Variants in KCNH1 observed in about 807,000 individuals in gnomAD.
KCNH1 encodes the protein potassium voltage-gated channel subfamily H member 1, also known as voltage-gated delayed rectifier potassium channel KCNH1.
In KCNH1, 27 loss-of-function variants were observed where a neutral mutation model predicts 69.2. That is an observed-to-expected ratio of 0.39 (90% CI 0.29 to 0.54). The LOEUF is 0.54. KCNH1 is among the 20% of genes least tolerant of loss of function. KCNH1 has a pLI of 0.68. For synonymous variants in KCNH1, 456 were observed against 487.7 expected (o/e 0.93, Z 0.86); for missense variants, 798 against 1,261.6 (o/e 0.63, Z 5.57).
intron 6 of KCNH1, among the ~76,000 whole-genome samples, chr1:210,948,862 C>T (rs967597786): frequency 6.6e-6 from 1 of 151,324 alleles, no homozygotes; most frequent in Non-Finnish European, 1.5e-5. Context: ...AAAAAAATAT[C>T]CAGATGAAGA....
chr1:210,919,935 A>C lies in KCNH1; in HGVS notation c.1167T>G (p.Ala389=). The C allele has an allele frequency of 7.4e-6, 12 of 1,614,156 alleles. No individual in the cohort carries two copies. Among genetic ancestry groups the C allele is most frequent in the Non-Finnish European group, 1.0e-5 (12 of 1,180,004 alleles). ...LVLLVCVFGL[A]AHWMACIWYS... ...ACCAGATGCAGGCCATCCAGTGTGCAGCCAGCCCAAACACACACACCAGCA... is the reference window on the plus strand; with the variant it reads ...ACCAGATGCAGGCCATCCAGTGTGCCGCCAGCCCAAACACACACACCAGCA... Residue 389 remains alanine (A), a synonymous_variant, in exon 7 of 11, where the codon GCT becomes GCG. Transcript: ENST00000271751. The surrounding 1 kb of genome is among the most constrained non-coding windows in gnomAD (Gnocchi z 4.2).
intron 5 of KCNH1, among the ~76,000 whole-genome samples, chr1:211,027,407 C>G (rs955815986): frequency 2.3e-4 from 35 of 151,932 alleles, no homozygotes; most frequent in Admixed American, 2.3e-3. Context: ...GAGTTCAAGG[C>G]CAGCCTGAGC....
chr1:210,981,516 G>A (rs1184689649), intron 6 of KCNH1, among the ~76,000 whole-genome samples: 1 of 152,028 alleles, frequency 6.6e-6, no homozygotes, highest in East Asian at 1.9e-4. Context: ...AATGAATTCG[G>A]TCATTAATAT....
In KCNH1 at chr1:210,775,594, C is replaced by T. The variant is rs1683844570; in HGVS notation, c.1916-50G>A. The T allele has an allele frequency of 3.4e-6, 5 of 1,460,318 alleles. No homozygotes were observed. In the South Asian group the frequency reaches 6.0e-5, roughly 17 times the overall value. The allele number at this position is 1,460,318 out of a possible 1,614,324, so 90.5% of individuals were successfully genotyped here. A position where few individuals can be genotyped will look rare whatever the true frequency, so the allele number is the denominator to read the frequency against. ...GAAAGTGTTGGCCAGGAGAGGTCTG[C>T]CCATCCAGCTGGCTTCCCTCTATTC... On this transcript the variant is annotated intron_variant, in intron 9 of 10. Coordinates refer to ENST00000271751, the MANE Select transcript of KCNH1 (RefSeq NM_172362.3).
chr1:210,949,662 C>A (rs1688025517), intron 6 of KCNH1, among the ~76,000 whole-genome samples: 1 of 152,184 alleles, frequency 6.6e-6, no homozygotes, highest in Non-Finnish European at 1.5e-5. Flanking sequence ...ATCGGTTGCA[C>A]CAGCCAATGC....
intron 7 of KCNH1, among the ~76,000 whole-genome samples, chr1:210,878,587 C>T (rs1281683910): frequency 6.6e-6 from 1 of 151,838 alleles, no homozygotes; most frequent in African/African-American, 2.4e-5. Flanking sequence ...ATACTTCAAA[C>T]TAAATTTAAA....
intron 7 of KCNH1, among the ~76,000 whole-genome samples, chr1:210,866,605 A>C (rs1443704899): frequency 6.6e-6 from 1 of 152,128 alleles, no homozygotes; most frequent in Non-Finnish European, 1.5e-5. Flanking sequence ...TCAAAACGAC[A>C]AGTGTTGGTG....
At chr1:211,080,313 A>T (rs1309486342) in intron 5 of KCNH1, among the ~76,000 whole-genome samples, 1 of 152,210 alleles carries the variant, frequency 6.6e-6, no homozygotes, top group Non-Finnish European at 1.5e-5. Context: ...TCGATGAAAT[A>T]AAAGAGGACA....
In KCNH1 at chr1:211,003,876, G is replaced by A. The variant is rs575722784; in HGVS notation, c.1032+14907C>T. On this transcript the variant is annotated intron_variant, in intron 6 of 10. Coordinates refer to ENST00000271751, the MANE Select transcript of KCNH1 (RefSeq NM_172362.3). ...TGGGAGGCCGAGGCAGGCGGATCAC[G>A]AGGTCAGGAGATGGAGACCATCCTG... Among the ~76,000 whole-genome samples the A allele has an allele frequency of 7.9e-5, 12 of 152,202 alleles. No homozygotes were observed. The South Asian group carries it at 2.1e-3, about 26-fold the overall frequency.
chr1:210,924,619 A>T (rs1316916279), intron 6 of KCNH1, among the ~76,000 whole-genome samples: 1 of 152,208 alleles, frequency 6.6e-6, no homozygotes, highest in African/African-American at 2.4e-5. Flanking sequence ...ATTTTAGTAC[A>T]CTAAAAACAT....
At chr1:210,937,263 A>C (rs899769192) in intron 6 of KCNH1, among the ~76,000 whole-genome samples, 2 of 152,198 alleles carry the variant, frequency 1.3e-5, no homozygotes, top group African/African-American at 4.8e-5. Flanking sequence ...TTGTACCTTC[A>C]GCACTTGACA....
At chr1:210,700,897 T>C (rs1681756558) in intron 10 of KCNH1, among the ~76,000 whole-genome samples, 1 of 152,126 alleles carries the variant, frequency 6.6e-6, no homozygotes, top group Admixed American at 6.5e-5. Context: ...AATTTTTCTC[T>C]TTTCATTTAT....
chr1:210,946,219 A>C (rs1487461434), intron 6 of KCNH1, among the ~76,000 whole-genome samples: 1 of 152,156 alleles, frequency 6.6e-6, no homozygotes, highest in African/African-American at 2.4e-5. Context: ...GAATATTCCT[A>C]GGGGTCTGAG....
intron 7 of KCNH1, among the ~76,000 whole-genome samples, chr1:210,877,134 G>C (rs1686393533): frequency 6.6e-6 from 1 of 150,586 alleles, no homozygotes; most frequent in Non-Finnish European, 1.5e-5. Context: ...CAAACAATTT[G>C]TTTGCAAAAA....
In KCNH1 at chr1:210,997,223, G is replaced by T. The variant is rs767949290; in HGVS notation, c.1032+21560C>A. ...ACGATCAAACTACTCCGAGCTACAG[G>T]AGGAAATTCAAACCAATGGCAAACA... is the stretch of plus-strand genomic sequence containing the variant. On this transcript the variant is annotated intron_variant, in intron 6 of 10. Transcript: ENST00000271751. Among the ~76,000 whole-genome samples, 22 of 152,268 alleles carry T rather than the reference G, an allele frequency of 1.4e-4. 1 individual carries two copies. In the East Asian group the frequency reaches 4.1e-3, roughly 28 times the overall value.
At chr1:210,950,112 C>CA (rs1188621300) in intron 6 of KCNH1, among the ~76,000 whole-genome samples, 2 of 152,250 alleles carry the variant, frequency 1.3e-5, no homozygotes, top group African/African-American at 4.8e-5. Context: ...CACCAGGTAA[C>CA]AGCCTCTTCT....
intron 6 of KCNH1, among the ~76,000 whole-genome samples, chr1:210,984,788 T>G (rs1467398462): frequency 2.0e-5 from 3 of 152,206 alleles, no homozygotes; most frequent in Non-Finnish European, 4.4e-5. Context: ...TGAGGATGAT[T>G]CTGGTCTCAT....
intron 10 of KCNH1, among the ~76,000 whole-genome samples, chr1:210,715,355 T>C (rs1429023709): frequency 6.6e-6 from 1 of 152,094 alleles, no homozygotes; most frequent in African/African-American, 2.4e-5. Flanking sequence ...ATAGTCAGAC[T>C]TAAATAACAC....
At chr1:211,084,468 T>C (rs1690916189) in intron 4 of KCNH1, among the ~76,000 whole-genome samples, 1 of 152,134 alleles carries the variant, frequency 6.6e-6, no homozygotes, top group African/African-American at 2.4e-5. Context: ...AACCCCTTGG[T>C]TCATCACCTG....
Sources: gnomAD v4.1 joint callset for allele counts (sites outside exome capture counted in the v4.1 genomes callset) on GRCh38, gnomAD v4.1.1 for gene constraint, Gnocchi (gnomAD v3.1) non-coding constraint, MANE v1.5 for transcripts, NCBI Gene and HGNC (gene_info 2026-07-23, HGNC 2026-07-21) for gene names.